RANBP17: variants seen among roughly 807,000 people sequenced by gnomAD.
RANBP17 encodes the protein RAN binding protein 17.
A neutral mutation model predicts 141.2 loss-of-function variants in RANBP17; 158 were observed. That is an observed-to-expected ratio of 1.12 (90% CI 0.98 to 1.28). RANBP17 has a LOEUF of 1.28. RANBP17 is among the 50% of genes most tolerant of loss of function. RANBP17 has a pLI of 0.00. For missense variants in RANBP17, 1,438 were observed against 1,290.7 expected (o/e 1.11, Z -1.75); for synonymous variants, 430 against 450.0 (o/e 0.96, Z 0.56).
At chr5:171,252,451 C>T (rs1285180005) in intron 24 of RANBP17, 1 of 1,498,432 alleles carries the variant, frequency 6.7e-7, no homozygotes, top group Admixed American at 1.7e-5. Flanking sequence ...ATCAATTACT[C>T]ACTGCTTAAG....
intron 13 of RANBP17, among the ~76,000 whole-genome samples, chr5:170,955,648 GTATATATATATATATA>G (rs1159344330): frequency 0.013 from 274 of 21,714 alleles, 15 homozygotes; most frequent in Non-Finnish European, 0.021. Flanking sequence ...TATGCTCAGT[GTATATATATATATATA>G]TATATATATA....
At chr5:170,941,675 C>CA (rs544536735) in intron 12 of RANBP17, among the ~76,000 whole-genome samples, 1 of 151,972 alleles carries the variant, frequency 6.6e-6, no homozygotes, top group Admixed American at 6.6e-5. Flanking sequence ...GGTGCATATA[C>CA]AAAAAACCCA....
chr5:171,258,368 AT>A (rs1019928866), intron 24 of RANBP17, among the ~76,000 whole-genome samples: 2 of 151,846 alleles, frequency 1.3e-5, no homozygotes, highest in Admixed American at 6.6e-5. Flanking sequence ...TCTTCACAGA[AT>A]TTTTTTTTAA....
chr5:170,911,542 A>G, intron 7 of RANBP17: 1 of 728,914 alleles, frequency 1.4e-6, no homozygotes. Flanking sequence ...AAGGTCTTGA[A>G]ACTGGTCCTT....
At chr5:171,140,101 C>T (rs1255245934) in intron 14 of RANBP17, among the ~76,000 whole-genome samples, 1 of 152,194 alleles carries the variant, frequency 6.6e-6, no homozygotes, top group Non-Finnish European at 1.5e-5. Context: ...CCCCTCAGCT[C>T]TCTGCTTAAA....
At chr5:170,977,209 A>C (rs1489873512) in intron 14 of RANBP17, among the ~76,000 whole-genome samples, 3 of 152,128 alleles carry the variant, frequency 2.0e-5, no homozygotes, top group Non-Finnish European at 4.4e-5. Flanking sequence ...TTCTCCAAAG[A>C]AAATCTATGA....
chr5:171,196,556 CCTCT>C (rs1761991388), intron 18 of RANBP17, among the ~76,000 whole-genome samples: 1 of 152,178 alleles, frequency 6.6e-6, no homozygotes, highest in Non-Finnish European at 1.5e-5. Context: ...ACCGTAATCA[CCTCT>C]CTAAGTCCAT....
intron 14 of RANBP17, among the ~76,000 whole-genome samples, chr5:171,054,083 G>T (rs1783179323): frequency 6.6e-6 from 1 of 151,482 alleles, no homozygotes; most frequent in Non-Finnish European, 1.5e-5. Context: ...TTTAGTTACT[G>T]TTTGCATAGA....
In RANBP17 at chr5:170,981,055, A is replaced by G. The variant is rs142662638; in HGVS notation, c.1710+12678A>G. 4.1e-3 allele frequency among the ~76,000 whole-genome samples: 620 copies of G among 152,306 alleles called. 5 individuals are homozygous for G. Among genetic ancestry groups the G allele is most frequent in the African/African-American group, 0.014 (599 of 41,574 alleles). On this transcript the variant is annotated intron_variant, in intron 14 of 27. Coordinates refer to ENST00000523189, the MANE Select transcript of RANBP17 (RefSeq NM_022897.5). The stretch of plus-strand genomic sequence containing the variant: ...GCAAAGGAGATCATTTTGGAGCTTT[A>G]AGATTTGACTGCCCTGCTGGATTTC...
intron 14 of RANBP17, among the ~76,000 whole-genome samples, chr5:171,125,396 G>GT (rs1222639033): frequency 6.9e-6 from 1 of 145,800 alleles, no homozygotes; most frequent in Middle Eastern, 3.4e-3. Flanking sequence ...CAAACAAAGG[G>GT]TAAAAAAAAA....
At chr5:170,973,180 GTAAGGAAAAAAAAT>G (rs1255504401) in intron 14 of RANBP17, among the ~76,000 whole-genome samples, 2 of 152,060 alleles carry the variant, frequency 1.3e-5, no homozygotes, top group Non-Finnish European at 2.9e-5. Context: ...ACATGGACAA[GTAAGGAAAAAAAAT>G]TATAAAATTG....
chr5:171,292,580 G>T (rs1157635367), intron 25 of RANBP17, among the ~76,000 whole-genome samples: 1 of 152,216 alleles, frequency 6.6e-6, no homozygotes, highest in Non-Finnish European at 1.5e-5. Context: ...GTAAGGGATG[G>T]TGTGTGCAGT....
At chr5:171,152,016 C>G (rs555546812) in intron 14 of RANBP17, among the ~76,000 whole-genome samples, 1 of 152,168 alleles carries the variant, frequency 6.6e-6, no homozygotes, top group African/African-American at 2.4e-5. Context: ...ATAGAAATTT[C>G]TAACTGAAAA....
At chr5:170,928,417 C>G (rs1029009504) in intron 12 of RANBP17, among the ~76,000 whole-genome samples, 16 of 151,974 alleles carry the variant, frequency 1.1e-4, no homozygotes, top group African/African-American at 3.6e-4. Flanking sequence ...TCTTTTCTAA[C>G]CTAATGCTAT....
At chr5:171,251,264 G>A (rs2128004040) in intron 24 of RANBP17, among the ~76,000 whole-genome samples, 1 of 151,674 alleles carries the variant, frequency 6.6e-6, no homozygotes, top group East Asian at 1.9e-4. Context: ...TTTTTTTTTA[G>A]AGACAGGTTT....
intron 6 of RANBP17, chr5:170,910,558 T>C: frequency 6.1e-6 from 1 of 164,016 alleles, no homozygotes. Context: ...TTGTTTTCTC[T>C]CTATTCCTGC....
intron 12 of RANBP17, 49 bp from the exon 13 acceptor site, chr5:170,953,548 C>T (rs781659745): frequency 1.0e-5 from 13 of 1,240,562 alleles, no homozygotes; most frequent in African/African-American, 4.5e-5. Flanking sequence ...AGATAAGCTA[C>T]GTTTCTATGA....
chr5:170,875,500 A>AG (rs1215606831), intron 1 of RANBP17, among the ~76,000 whole-genome samples: 2 of 152,054 alleles, frequency 1.3e-5, no homozygotes, highest in Non-Finnish European at 2.9e-5. Context: ...TAGTTCTCAG[A>AG]GGTTTGTTCA....
In RANBP17 at chr5:170,913,753, T is replaced by C. The variant is rs185232906; in HGVS notation, c.761-414T>C. ...AATCAAATGAAGAAATAGTATACGC[T>C]ATTATTTGGAAACATGAATGTAACT... is the stretch of plus-strand genomic sequence containing the variant. On this transcript the variant is annotated intron_variant, in intron 7 of 27. Transcript: ENST00000523189. 2.6e-5 allele frequency among the ~76,000 whole-genome samples: 3 copies of C among 115,386 alleles called. No individual in the cohort carries two copies. In the Admixed American group the frequency reaches 2.9e-4, roughly 11 times the overall value. 75.7% of individuals were successfully genotyped at this position (115,386 alleles called of 152,430 possible).
Sources: allele counts gnomAD v4.1 joint callset (sites outside exome capture counted in the v4.1 genomes callset), GRCh38; gene constraint gnomAD v4.1.1; transcripts MANE v1.5; gene names NCBI Gene and HGNC (gene_info 2026-07-23, HGNC 2026-07-21).